Variants in EPPK1 observed in about 807,000 individuals in gnomAD.
EPPK1 encodes epiplakin.
For synonymous variants in EPPK1, 1,862 were observed against 1,721.2 expected (o/e 1.08, Z -2.03); for missense variants, 3,823 against 3,673.3 (o/e 1.04, Z -1.05).
rs199809449 is a variant in EPPK1, at chr8:143,869,057, G to C, written c.4197C>G (p.Asp1399Glu). 77 of 1,608,926 alleles carry C rather than the reference G, an allele frequency of 4.8e-5. No homozygotes were observed. In the African/African-American group the frequency reaches 9.1e-4, roughly 19 times the overall value. ...TSQVLTAVDK[D>E]NKFFFDPSAR... ...CACTGGGGTCAAAGAAGAACTTGTT[G>C]TCCTTGTCAACTGCAGTCAGCACCT... is the stretch of plus-strand genomic sequence containing the variant. The change falls in exon 2 of 2, where the codon GAC (aspartate) becomes GAG (glutamate). Residue 1399 changes from aspartate to glutamate, a missense_variant. Coordinates refer to ENST00000615648, the MANE Select transcript of EPPK1 (RefSeq NM_031308.4).
rs1336845543 is a variant in EPPK1 at position 143,866,582 on chromosome 8, G to A, written c.6672C>T (p.Ser2224=). 3.7e-6 allele frequency: 6 copies of A among 1,611,928 alleles called. No homozygotes were observed. The highest frequency in any genetic ancestry group is 5.1e-6 in the Non-Finnish European group (6 of 1,179,556). The change falls in exon 2 of 2, where the codon AGC becomes AGT. Residue 2224 remains serine (S), a synonymous_variant. Coordinates refer to ENST00000615648, the MANE Select transcript of EPPK1 (RefSeq NM_031308.4). ...DRVKRYLEGT[S]CIAGVLVPAK... is the part of the protein sequence containing the mutation. ...CGGGCACCAGGACGCCCGCGATGCA[G>A]CTGGTGCCCTCCAGGTAGCGCTTGA...
Position 143,866,617 on chromosome 8 carries a change from C to A in EPPK1, c.6637G>T (p.Asp2213Tyr), listed in dbSNP as rs782090635. Residue 2213 changes from aspartate to tyrosine, a missense_variant, in exon 2 of 2, where the codon GAC (aspartate) becomes TAC (tyrosine). Coordinates refer to ENST00000615648, the MANE Select transcript of EPPK1 (RefSeq NM_031308.4). ...GRSTTQELME[D>Y]DRVKRYLEGT... ...TCCAGGTAGCGCTTGACGCGGTCGT[C>A]CTCCATGAGCTCTTGCGTCGTGCTC... The A allele has an allele frequency of 1.9e-6, 3 of 1,612,934 alleles. No individual in the cohort carries two copies. The South Asian group carries it at 3.3e-5, about 18-fold the overall frequency.
chr8:143,878,404 G>GCCGCACCCGCCCGCACCCGCCGCACCCGC (rs1819528644), intron 1 of EPPK1, 34 bp downstream of exon 1: 1 of 67,424 alleles, frequency 1.5e-5, no homozygotes, highest in African/African-American at 6.0e-5. Context: ...GCCCGCACCC[G>GCCGCACCCGCCCGCACCCGCCGCACCCGC]CCGCACCCGC....
chr8:143,873,863 C>G (rs1383320970), intron 1 of EPPK1, among the ~76,000 whole-genome samples: 1 of 152,086 alleles, frequency 6.6e-6, no homozygotes, highest in African/African-American at 2.4e-5. Flanking sequence ...CCTCTGCCAC[C>G]TCCTGCTGGC....
In EPPK1 at chr8:143,871,037, G is replaced by A. The variant is rs1345005551; in HGVS notation, c.2217C>T (p.Pro739=). The stretch of plus-strand genomic sequence containing the variant: ...AGCCGCGCCGGTAGGCCACGTCCAC[G>A]GGCACGCGGTGGCTGTGCACGGGGT... The part of the protein sequence containing the change: ...VIDPVHSHRV[P]VDVAYRRGYF... The change falls in exon 2 of 2, where the codon CCC becomes CCT. Residue 739 remains proline (P), a synonymous_variant. Coordinates refer to ENST00000615648, the MANE Select transcript of EPPK1 (RefSeq NM_031308.4). 35 of 1,613,006 alleles carry A rather than the reference G, an allele frequency of 2.2e-5. No individual in the cohort carries two copies. The highest frequency in any genetic ancestry group is 2.5e-5 in the Non-Finnish European group (29 of 1,179,972).
intron 1 of EPPK1, among the ~76,000 whole-genome samples, chr8:143,874,375 C>T (rs1206392685): frequency 6.6e-6 from 1 of 152,260 alleles, no homozygotes; most frequent in African/African-American, 2.4e-5. Context: ...GAAATAGGAT[C>T]TTTGCAGATA....
chr8:143,869,421 C>T lies in EPPK1; in HGVS notation c.3833G>A (p.Arg1278Lys), dbSNP rs782012271. ...AGATGCCACCTGGGCTTCCAGCAGC[C>T]TCTGGCCCAGGCCTGTGGGCAGGAG... ...DGLLPTGLGQ[R>K]LLEAQVASGF... The change falls in exon 2 of 2, where the codon AGG becomes AAG. Residue 1278 changes from arginine to lysine, a missense_variant. Arg to Lys is a conservative substitution (Grantham distance 26). Coordinates refer to ENST00000615648, the MANE Select transcript of EPPK1 (RefSeq NM_031308.4). The T allele has an allele frequency of 6.2e-7, 1 of 1,601,534 alleles. No homozygotes were observed. The highest frequency in any genetic ancestry group is 1.7e-5 in the Admixed American group (1 of 59,194).
chr8:143,870,565 T>C lies in EPPK1; in HGVS notation c.2689A>G (p.Ile897Val). 6.2e-7 allele frequency: 1 copy of C among 1,611,554 alleles called. No individual in the cohort carries two copies. The highest frequency in any genetic ancestry group is 8.5e-7 in the Non-Finnish European group (1 of 1,179,440). Residue 897 changes from isoleucine to valine, a missense_variant, in exon 2 of 2, where the codon ATC becomes GTC. Transcript: ENST00000615648. The surrounding 1 kb of genome is among the most constrained non-coding windows in gnomAD (Gnocchi z 5.2). ...TGGTCCAACAGCTGCTGGTCAATGA[T>C]ACCGGCCTCCAGGAGCTGGTGGACG... ...VTVHQLLEAG[I>V]IDQQLLDQVL...
chr8:143,867,664 C>T lies in EPPK1; in HGVS notation c.5590G>A (p.Val1864Ile), dbSNP rs143485250. The change falls in exon 2 of 2, where the codon GTC becomes ATC. Residue 1864 changes from valine to isoleucine, a missense_variant. Transcript: ENST00000615648. ...GTGTGCAGGGTCTTCTGATCGATGA[C>T]CCTGGAGTTGAACAGGTCTGCAGCT... ...VTAADLFNSR[V>I]IDQKTLHTLR... The T allele has an allele frequency of 0.015, 24,746 of 1,613,452 alleles. 221 individuals are homozygous for T. Among genetic ancestry groups the T allele is most frequent in the Non-Finnish European group, 0.018 (21,825 of 1,179,830 alleles).
In EPPK1 at chr8:143,857,720, T is replaced by A. The variant is rs2130589617; in HGVS notation, c.*267A>T. ...TGAATCCAAAACAGACAGAAAAATG[T>A]TCTGAAAACGAAAAAGGAGAGAAAA... is the stretch of plus-strand genomic sequence containing the variant. On this transcript the variant is annotated 3_prime_UTR_variant, in exon 2 of 2. Coordinates refer to ENST00000615648, the MANE Select transcript of EPPK1 (RefSeq NM_031308.4). 4.9e-6 allele frequency: 2 copies of A among 406,694 alleles called. No individual in the cohort carries two copies. Among genetic ancestry groups the A allele is most frequent in the African/African-American group, 2.1e-5 (1 of 48,490 alleles). The allele number at this position is 406,694 out of a possible 1,614,324, so 25.2% of individuals were successfully genotyped here.
Position 143,870,887 on chromosome 8 carries a change from G to A in EPPK1, c.2367C>T (p.Pro789=), listed in dbSNP as rs200117350. 5.4e-5 allele frequency: 87 copies of A among 1,613,060 alleles called. No homozygotes were observed. The East Asian group carries it at 9.1e-4, about 17-fold the overall frequency. ...GTGGCAGGAGGTACAGGCCCGTCTC[G>A]GGGTCACGCACACAGCGCTCCAGAA... ...LQLLERCVRD[P]ETGLYLLPLS... The change falls in exon 2 of 2, where the codon CCC becomes CCT. Residue 789 remains proline (P), a synonymous_variant. Coordinates refer to ENST00000615648, the MANE Select transcript of EPPK1 (RefSeq NM_031308.4). The surrounding 1 kb of genome is among the most constrained non-coding windows in gnomAD (Gnocchi z 5.2).
rs373257586 is a variant in EPPK1 at position 143,870,448 on chromosome 8, G to A, written c.2806C>T (p.Arg936Trp). ...AGCCGCTGGCCAGAGGGCAGCAGCCGCACACCGCCCACAGCTCCCAGGCCG... is the reference window on the plus strand; with the variant it reads ...AGCCGCTGGCCAGAGGGCAGCAGCCACACACCGCCCACAGCTCCCAGGCCG... ...LCGLGAVGGV[R>W]LLPSGQRLSL... Residue 936 changes from arginine to tryptophan, a missense_variant, in exon 2 of 2, where the codon CGG becomes TGG. Transcript: ENST00000615648. This position sits in a 1 kb window ranked among gnomAD's most constrained non-coding sequence, Gnocchi z 5.2. 146 of 1,599,046 alleles carry A rather than the reference G, an allele frequency of 9.1e-5. No individual in the cohort carries two copies. Among genetic ancestry groups the A allele is most frequent in the East Asian group, 6.5e-4 (29 of 44,714 alleles).
At position 143,872,283 on chromosome 8, in the gene EPPK1, G is replaced by A; in HGVS notation, c.971C>T (p.Ala324Val). Reference sequence around the variant, plus strand: ...GATGGGGTCCACCAGGGTGTGGGTGGCAGCCTGGGCCTCTAGGAGTGGCAG... The same window carrying A: ...GATGGGGTCCACCAGGGTGTGGGTGACAGCCTGGGCCTCTAGGAGTGGCAG... ...TALPLLEAQA[A>V]THTLVDPITG... Residue 324 changes from alanine (A) to valine (V), a missense_variant, in exon 2 of 2, where the codon GCC becomes GTC. By Grantham distance (64) the Ala-to-Val change is moderately conservative (BLOSUM62 0). Transcript: ENST00000615648. 2 of 1,604,582 alleles carry A rather than the reference G, an allele frequency of 1.2e-6. No individual in the cohort carries two copies. Among genetic ancestry groups the A allele is most frequent in the Non-Finnish European group, 1.7e-6 (2 of 1,175,718 alleles).
rs1554660875 is a variant in EPPK1, at chr8:143,870,701, C to G, written c.2553G>C (p.Leu851=). The change falls in exon 2 of 2, where the codon CTG becomes CTC. Residue 851 remains leucine (L), a synonymous_variant. Transcript: ENST00000615648. This position sits in a 1 kb window ranked among gnomAD's most constrained non-coding sequence, Gnocchi z 5.2. ...YFSEGRRRQL[L]RRYRQREVTL... ...TGACCTCGCGCTGCCGGTAGCGACG[C>G]AGCAGCTGCCTCCTGCGGCCCTCGC... The G allele has an allele frequency of 1.2e-6, 2 of 1,610,512 alleles. No individual in the cohort carries two copies. Among genetic ancestry groups the G allele is most frequent in the South Asian group, 2.2e-5 (2 of 90,798 alleles).
Position 143,858,017 on chromosome 8 carries a change from C to A in EPPK1, c.15237G>T (p.Gly5079=). The A allele has an allele frequency of 6.2e-7, 1 of 1,609,828 alleles. No homozygotes were observed. The highest frequency in any genetic ancestry group is 8.5e-7 in the Non-Finnish European group (1 of 1,178,076). ...GTAGAGAGAGAGAAAGAAATAGGAG[C>A]CCCGTCTCAGGGTCCAGGGTGGCCC... ...LQRATLDPET[G]LLFLSLSLQ Residue 5079 remains glycine (G), a synonymous_variant, in exon 2 of 2, where the codon GGG becomes GGT. Transcript: ENST00000615648.
intron 1 of EPPK1, among the ~76,000 whole-genome samples, chr8:143,874,062 C>A (rs1009834913): frequency 2.6e-5 from 4 of 152,372 alleles, no homozygotes; most frequent in African/African-American, 9.6e-5. Context: ...CCGGGGGCCG[C>A]AGGCTCAGCA....
intron 1 of EPPK1, among the ~76,000 whole-genome samples, chr8:143,877,313 AG>A (rs1403788684): frequency 6.6e-6 from 1 of 151,200 alleles, no homozygotes; most frequent in African/African-American, 2.4e-5. Flanking sequence ...GCAGCTGGAC[AG>A]AGGGTCCGGA....
chr8:143,857,670 G>C lies in EPPK1; in HGVS notation c.*317C>G, dbSNP rs938984884. 22 of 345,736 alleles carry C rather than the reference G, an allele frequency of 6.4e-5. No individual in the cohort carries two copies. The highest frequency in any genetic ancestry group is 1.0e-4 in the Non-Finnish European group (20 of 193,072). 21.4% of individuals were successfully genotyped at this position (345,736 alleles called of 1,614,324 possible). On this transcript the variant is annotated 3_prime_UTR_variant, in exon 2 of 2. Coordinates refer to ENST00000615648, the MANE Select transcript of EPPK1 (RefSeq NM_031308.4). ...GCATGATGGACTGAGAGTCTAAAGA[G>C]TGACATTCTGTAAAATGGAAGCAGT...
chr8:143,878,947 G>A (rs1395368743), upstream of EPPK1, among the ~76,000 whole-genome samples: 4 of 152,112 alleles, frequency 2.6e-5, no homozygotes, highest in Non-Finnish European at 4.4e-5. Flanking sequence ...CCCCCATGAC[G>A]TTGTAAGAGC....
Sources: gnomAD v4.1 joint callset for allele counts (sites outside exome capture counted in the v4.1 genomes callset) on GRCh38, gnomAD v4.1.1 for gene constraint, Gnocchi (gnomAD v3.1) non-coding constraint, MANE v1.5 for transcripts, NCBI Gene and HGNC (gene_info 2026-07-23, HGNC 2026-07-21) for gene names.